TAFA4: variants seen among roughly 807,000 people sequenced by gnomAD.
The protein encoded by TAFA4 is TAFA chemokine like family member 4, also known as chemokine-like protein TAFA-4.
A neutral mutation model predicts 21.1 loss-of-function variants in TAFA4; 20 were observed. The observed-to-expected ratio is 0.95, with a 90% CI of 0.67 to 1.38. The LOEUF (loss-of-function observed/expected upper bound fraction) is 1.38. Among genes scored for constraint, TAFA4 ranks in the 40% most tolerant of loss-of-function variants. The probability of loss-of-function intolerance (pLI) is 0.00; values close to 1 mark genes in which losing one functional copy is unlikely to be tolerated. For synonymous variants in TAFA4, 71 were observed against 67.4 expected (o/e 1.05, Z -0.26); for missense variants, 211 against 180.9 (o/e 1.17, Z -0.95).
At chr3:68,930,318 A>G (rs148697207) in intron 1 of TAFA4, among the ~76,000 whole-genome samples, 1 of 152,322 alleles carries the variant, frequency 6.6e-6, no homozygotes, top group African/African-American at 2.4e-5. Flanking sequence ...GGGTTTTTGT[A>G]TGTGCTAAGG....
chr3:68,906,346 G>A (rs182898024), intron 1 of TAFA4, among the ~76,000 whole-genome samples: 5 of 152,216 alleles, frequency 3.3e-5, no homozygotes, highest in East Asian at 3.9e-4. Context: ...TCAATTATTC[G>A]GGGTCTTTTA....
intron 3 of TAFA4, among the ~76,000 whole-genome samples, chr3:68,855,978 C>A (rs1186025916): frequency 1.8e-4 from 27 of 152,100 alleles, no homozygotes; most frequent in Admixed American, 1.8e-3. Context: ...AACTAAAGAG[C>A]TGTGTTCCCA....
At chr3:68,928,839 T>C (rs1417609756) in intron 1 of TAFA4, among the ~76,000 whole-genome samples, 1 of 152,088 alleles carries the variant, frequency 6.6e-6, no homozygotes, top group East Asian at 1.9e-4. Context: ...GGGATTCTAA[T>C]CCCAGGTTTT....
At chr3:68,742,006 A>C (rs1702366095) in intron 4 of TAFA4, among the ~76,000 whole-genome samples, 1 of 152,170 alleles carries the variant, frequency 6.6e-6, no homozygotes, top group Non-Finnish European at 1.5e-5. Flanking sequence ...ATTGAACATC[A>C]CATTAAGAGG....
At chr3:68,842,457 G>A (rs915402906) in intron 3 of TAFA4, among the ~76,000 whole-genome samples, 1 of 152,146 alleles carries the variant, frequency 6.6e-6, no homozygotes, top group African/African-American at 2.4e-5. Context: ...TTTGTCAGGT[G>A]GATGGATTGC....
chr3:68,765,744 T>C (rs1702841299), intron 3 of TAFA4, among the ~76,000 whole-genome samples: 1 of 152,106 alleles, frequency 6.6e-6, no homozygotes. Context: ...AGTGGACACA[T>C]CAGCTGTTGA....
chr3:68,795,321 C>T (rs537179882), intron 3 of TAFA4, among the ~76,000 whole-genome samples: 1 of 151,658 alleles, frequency 6.6e-6, no homozygotes, highest in African/African-American at 2.4e-5. Context: ...GCTAGTAACA[C>T]ATCCAATTTC....
intron 4 of TAFA4, among the ~76,000 whole-genome samples, chr3:68,745,193 A>G (rs972983164): frequency 6.6e-6 from 1 of 152,202 alleles, no homozygotes; most frequent in Non-Finnish European, 1.5e-5. Flanking sequence ...AAGGTGATTA[A>G]ACAGCCAGGA....
chr3:68,854,983 T>C (rs1305811189), intron 3 of TAFA4, among the ~76,000 whole-genome samples: 1 of 152,198 alleles, frequency 6.6e-6, no homozygotes, highest in Non-Finnish European at 1.5e-5. Context: ...CTAACACCCT[T>C]GGTTCCAAAC....
At chr3:68,747,310 C>A (rs1274391740) in intron 4 of TAFA4, among the ~76,000 whole-genome samples, 1 of 152,092 alleles carries the variant, frequency 6.6e-6, no homozygotes, top group Non-Finnish European at 1.5e-5. Flanking sequence ...CAAATCTCAT[C>A]TTGAATTGTA....
At chr3:68,886,231 A>C (rs915706167) in intron 1 of TAFA4, among the ~76,000 whole-genome samples, 1 of 152,218 alleles carries the variant, frequency 6.6e-6, no homozygotes, top group African/African-American at 2.4e-5. Context: ...CACAAGTTTG[A>C]TTAGAGAACA....
At chr3:68,910,489 T>C (rs1390845670) in intron 1 of TAFA4, among the ~76,000 whole-genome samples, 1 of 152,188 alleles carries the variant, frequency 6.6e-6, no homozygotes, top group Non-Finnish European at 1.5e-5. Flanking sequence ...TATAGTAAGA[T>C]AGATTTAGGT....
At chr3:68,837,045 T>A (rs1289976454) in intron 3 of TAFA4, among the ~76,000 whole-genome samples, 2 of 152,238 alleles carry the variant, frequency 1.3e-5, no homozygotes, top group Non-Finnish European at 2.9e-5. Flanking sequence ...AAAGTGTGAC[T>A]GGGACACAAG....
At chr3:68,829,919 G>A (rs944621333) in intron 3 of TAFA4, among the ~76,000 whole-genome samples, 1 of 152,042 alleles carries the variant, frequency 6.6e-6, no homozygotes, top group Admixed American at 6.6e-5. Context: ...GTCTTGGGAG[G>A]GTGTATGTGT....
intron 1 of TAFA4, among the ~76,000 whole-genome samples, chr3:68,894,734 T>A (rs1474194561): frequency 6.6e-6 from 1 of 152,134 alleles, no homozygotes; most frequent in Non-Finnish European, 1.5e-5. Context: ...TGAAAAAGGG[T>A]AAGATCACTG....
At chr3:68,901,255 T>C (rs2089841416) in intron 1 of TAFA4, among the ~76,000 whole-genome samples, 1 of 152,072 alleles carries the variant, frequency 6.6e-6, no homozygotes, top group South Asian at 2.1e-4. Context: ...TCCAAGACTT[T>C]CCTTGGCCTG....
chr3:68,838,227 CCTGT>C (rs1704568496), intron 3 of TAFA4, among the ~76,000 whole-genome samples: 1 of 152,178 alleles, frequency 6.6e-6, no homozygotes, highest in African/African-American at 2.4e-5. Flanking sequence ...ACTCATTCTT[CCTGT>C]CTAACTGAAA....
At chr3:68,851,540 C>T (rs1032102165) in intron 3 of TAFA4, among the ~76,000 whole-genome samples, 4 of 151,856 alleles carry the variant, frequency 2.6e-5, no homozygotes, top group Non-Finnish European at 4.4e-5. Context: ...GCATGGTGAC[C>T]GTAGAAACTG....
intron 3 of TAFA4, among the ~76,000 whole-genome samples, chr3:68,848,444 C>T (rs1704862669): frequency 6.6e-6 from 1 of 152,112 alleles, no homozygotes; most frequent in African/African-American, 2.4e-5. Context: ...CTGGAGTTTC[C>T]TGTGACCTAT....
Sources: allele counts gnomAD v4.1 joint callset (sites outside exome capture counted in the v4.1 genomes callset), GRCh38; gene constraint gnomAD v4.1.1; transcripts MANE v1.5; gene names NCBI Gene and HGNC (gene_info 2026-07-23, HGNC 2026-07-21).